Variants in PSMC6 observed in about 807,000 individuals in gnomAD.
PSMC6 encodes proteasome 26S subunit, ATPase 6.
A neutral mutation model predicts 55.9 loss-of-function variants in PSMC6; 3 were observed. That is an observed-to-expected ratio of 0.05 (90% CI 0.02 to 0.14). PSMC6 has a LOEUF of 0.14. Among genes scored for constraint, PSMC6 ranks in the 10% least tolerant of loss-of-function variants. The pLI is 1.00. For synonymous variants in PSMC6, 137 were observed against 155.9 expected (o/e 0.88, Z 0.90); for missense variants, 210 against 478.7 (o/e 0.44, Z 5.24).
In PSMC6 at chr14:52,707,342, G is replaced by T. The variant is rs766258622; in HGVS notation, c.85+38G>T. On this transcript the variant is annotated intron_variant, in intron 1 of 13. Transcript: ENST00000445930. ...TTCTTTCCATTTAATCAAGTGCCTC[G>T]ACTCGCTTCTGCCTCTGACAAAGCA... The T allele has an allele frequency of 1.9e-6, 3 of 1,611,394 alleles. No homozygotes were observed. In the South Asian group the frequency reaches 3.3e-5, roughly 18 times the overall value.
chr14:52,725,087 T>C (rs963143048), intron 13 of PSMC6, among the ~76,000 whole-genome samples: 2 of 152,204 alleles, frequency 1.3e-5, no homozygotes, highest in African/African-American at 2.4e-5. Flanking sequence ...CAGAGCGTTA[T>C]CAATAAACTA....
chr14:52,723,690 T>C (rs1242863340), intron 12 of PSMC6: 5 of 494,888 alleles, frequency 1.0e-5, no homozygotes, highest in African/African-American at 2.0e-5. Flanking sequence ...CACATGTGCA[T>C]AGCTATTTCA....
intron 6 of PSMC6, among the ~76,000 whole-genome samples, chr14:52,713,433 C>T (rs2041796764): frequency 6.6e-6 from 1 of 152,034 alleles, no homozygotes; most frequent in South Asian, 2.1e-4. Context: ...AATCCATCCC[C>T]CATTTTAGAA....
At chr14:52,723,063 G>A (rs1053536907) in intron 12 of PSMC6, 3 of 152,264 alleles carry the variant, frequency 2.0e-5, no homozygotes, top group Non-Finnish European at 2.9e-5. Flanking sequence ...TGGAAAGACC[G>A]AACTGAACAA....
At chr14:52,717,357 CAG>C (rs1293595157) in intron 7 of PSMC6, among the ~76,000 whole-genome samples, 1 of 104,002 alleles carries the variant, frequency 9.6e-6, no homozygotes, top group Non-Finnish European at 1.8e-5. Context: ...TTTTTTGAGA[CAG>C]AGTCTTGCTC....
intron 10 of PSMC6, 108 bp downstream of exon 10, chr14:52,719,146 T>C (rs1205566544): frequency 1.0e-6 from 1 of 982,584 alleles, no homozygotes; most frequent in Non-Finnish European, 1.5e-6. Context: ...AAATGAAATA[T>C]GAAATTTGAA....
chr14:52,720,799 G>C (rs2041882780), intron 10 of PSMC6, 62 bp from the exon 11 acceptor site: 3 of 1,339,652 alleles, frequency 2.2e-6, no homozygotes, highest in Non-Finnish European at 3.1e-6. Context: ...ACATATAAAA[G>C]GTGTGTGCTA....
In PSMC6 at chr14:52,727,522, C is replaced by A. The variant is rs1441066205; in HGVS notation, c.1075C>A (p.His359Asn). The change falls in exon 14 of 14, where the codon CAT (histidine) becomes AAT (asparagine). Residue 359 changes from histidine (H) to asparagine (N), a missense_variant. His to Asn is a moderately conservative substitution (Grantham distance 68, BLOSUM62 1). This residue lies in a region of PSMC6 where 79 missense variants were observed against 158.7 expected (regional missense o/e 0.50). Transcript: ENST00000445930. ...AGGTATGTTCGCAATTCGTGCTGAT[C>A]ATGATTTTGTAGTACAGGAAGACTT... Reference protein sequence around the residue: ...EAGMFAIRADHDFVVQEDFMK... With the variant: ...EAGMFAIRADNDFVVQEDFMK... 3 of 1,611,710 alleles carry A rather than the reference C, an allele frequency of 1.9e-6. No individual in the cohort carries two copies. Among genetic ancestry groups the A allele is most frequent in the Non-Finnish European group, 2.5e-6 (3 of 1,179,454 alleles).
intron 7 of PSMC6, 51 bp from the exon 8 acceptor site, chr14:52,718,030 A>C (rs75620447): frequency 1.3e-6 from 2 of 1,574,880 alleles, no homozygotes; most frequent in Non-Finnish European, 1.7e-6. Flanking sequence ...GTCTCAAAAC[A>C]AATTTTTTTC....
At chr14:52,709,427 C>T (rs2139835466) in intron 4 of PSMC6, 1 of 262,768 alleles carries the variant, frequency 3.8e-6, no homozygotes. Flanking sequence ...GGTTTTAAAA[C>T]ATTCACAGAA....
At chr14:52,721,220 T>G in intron 12 of PSMC6, 30 bp downstream of exon 12, 12 of 1,462,182 alleles carry the variant, frequency 8.2e-6, no homozygotes, top group Non-Finnish European at 1.1e-5. Flanking sequence ...TATATGTATT[T>G]ACATTTGGTA....
intron 7 of PSMC6, among the ~76,000 whole-genome samples, chr14:52,716,972 A>G (rs1406620831): frequency 2.6e-5 from 4 of 152,244 alleles, no homozygotes; most frequent in Admixed American, 2.6e-4. Flanking sequence ...AATGGTGGTT[A>G]CCAGAAGTTG....
intron 4 of PSMC6, 24 bp downstream of exon 4, chr14:52,708,840 G>T: frequency 6.2e-7 from 1 of 1,608,916 alleles, no homozygotes; most frequent in Non-Finnish European, 8.5e-7. Context: ...TTTGTATAGT[G>T]CCTGATGATT....
chr14:52,712,384 T>TAAAAAAAAAAAA (rs35697515), intron 6 of PSMC6, among the ~76,000 whole-genome samples: 12,339 of 138,070 alleles, frequency 0.089, 623 homozygotes, highest in East Asian at 0.12. Flanking sequence ...GGTCTAAGTG[T>TAAAAAAAAAAAA]AAAAAAAAAA....
At chr14:52,718,670 C>A in intron 9 of PSMC6, 1 of 402,716 alleles carries the variant, frequency 2.5e-6, no homozygotes, top group Non-Finnish European at 4.5e-6. Flanking sequence ...CCTGTAATCC[C>A]AGCTACTGAG....
At chr14:52,714,357 T>C (rs2041807023) in intron 7 of PSMC6, among the ~76,000 whole-genome samples, 1 of 152,184 alleles carries the variant, frequency 6.6e-6, no homozygotes, top group African/African-American at 2.4e-5. Flanking sequence ...GGAAATTTGA[T>C]GTGGGCAGTT....
chr14:52,720,076 AG>A (rs2041871966), intron 10 of PSMC6, among the ~76,000 whole-genome samples: 1 of 152,004 alleles, frequency 6.6e-6, no homozygotes, highest in Admixed American at 6.6e-5. Context: ...TACAAAAATT[AG>A]CTGGGCGTGG....
At chr14:52,710,839 T>C (rs951621072) in intron 4 of PSMC6, 2 of 449,944 alleles carry the variant, frequency 4.4e-6, no homozygotes, top group African/African-American at 4.0e-5. Context: ...CACTGTACCA[T>C]TGCTGCCTCA....
At chr14:52,711,783 ATAAT>A (rs1369196124) in intron 6 of PSMC6, among the ~76,000 whole-genome samples, 1 of 152,218 alleles carries the variant, frequency 6.6e-6, no homozygotes, top group Non-Finnish European at 1.5e-5. Flanking sequence ...AAAGCTAAAA[ATAAT>A]TGATGTAATC....
Sources: gnomAD v4.1 joint callset for allele counts (sites outside exome capture counted in the v4.1 genomes callset) on GRCh38, gnomAD v4.1.1 for gene constraint, gnomAD v4.1.1 regional missense constraint, MANE v1.5 for transcripts, NCBI Gene and HGNC (gene_info 2026-07-23, HGNC 2026-07-21) for gene names.